The following PRR16 variants were observed in gnomAD, a reference collection of about 807,000 sequenced individuals.
PRR16 encodes the protein protein Largen.
PRR16 carries 6 observed loss-of-function variants against 18.2 expected under a neutral mutation model. The observed-to-expected ratio is 0.33, with a 90% confidence interval of 0.18 to 0.65. PRR16 has a LOEUF of 0.65. PRR16 is among the 30% of genes least tolerant of loss of function. PRR16 has a pLI of 0.74. For synonymous variants in PRR16, 151 were observed against 147.8 expected, an observed-to-expected ratio of 1.02 and a Z score of -0.16; for missense variants, 412 against 376.6, an observed-to-expected ratio of 1.09 and a Z score of -0.78.
chr5:120,543,941 C>T (rs1041484475), intron 1 of PRR16, among the ~76,000 whole-genome samples: 2 of 152,118 alleles, frequency 1.3e-5, no homozygotes, highest in Admixed American at 1.3e-4. Context: ...GTTGGCTTTA[C>T]AGATGGATGA....
the PRR16 span, among the ~76,000 whole-genome samples, chr5:120,778,819 T>G: frequency 4.0e-4 from 61 of 152,096 alleles, no homozygotes; most frequent in African/African-American, 1.4e-3. Flanking sequence ...AGAAGTGGGG[T>G]TTTGTAAAGA....
At chr5:120,794,479 T>C in the PRR16 span, among the ~76,000 whole-genome samples, 1 of 152,158 alleles carries the variant, frequency 6.6e-6, no homozygotes, top group Non-Finnish European at 1.5e-5. Flanking sequence ...ATATGTGTTA[T>C]GGTAATATGT....
rs116332606 is a variant in PRR16, at chr5:120,471,761, C to T, written c.159+7116C>T. ...TAATTACTCTGAATTAAATTTCCCA[C>T]AGGAACTGGGAACCCAAAGTCAGCA... is the stretch of plus-strand genomic sequence containing the variant. On this transcript the variant is annotated intron_variant, in intron 1 of 1. Coordinates refer to ENST00000407149, the MANE Select transcript of PRR16 (RefSeq NM_001300783.2). Among the ~76,000 whole-genome samples, 520 of 152,130 alleles carry T rather than the reference C, an allele frequency of 3.4e-3. 4 individuals are homozygous for T. Among genetic ancestry groups the T allele is most frequent in the African/African-American group, 0.011 (452 of 41,542 alleles).
At chr5:120,570,162 A>G (rs1289299423) in intron 1 of PRR16, among the ~76,000 whole-genome samples, 1 of 152,146 alleles carries the variant, frequency 6.6e-6, no homozygotes, top group Admixed American at 6.5e-5. Context: ...GAAGATAAAT[A>G]AAACCCTTCC....
chr5:120,521,674 T>C (rs1751185201), intron 1 of PRR16, among the ~76,000 whole-genome samples: 1 of 151,374 alleles, frequency 6.6e-6, no homozygotes, highest in Non-Finnish European at 1.5e-5. Context: ...TCTTCTTCTT[T>C]TCTTTTTTTT....
chr5:120,793,486 C>G, the PRR16 span, among the ~76,000 whole-genome samples: 1 of 151,816 alleles, frequency 6.6e-6, no homozygotes, highest in East Asian at 1.9e-4. Context: ...CAAAGCACTG[C>G]AAAGAGGAAG....
At chr5:120,548,314 A>T (rs1379693242) in intron 1 of PRR16, among the ~76,000 whole-genome samples, 1 of 152,096 alleles carries the variant, frequency 6.6e-6, no homozygotes, top group South Asian at 2.1e-4. Flanking sequence ...AGATATGTCA[A>T]TGTTTTCTAT....
chr5:120,671,599 A>G (rs1370799816), intron 1 of PRR16, among the ~76,000 whole-genome samples: 1 of 152,190 alleles, frequency 6.6e-6, no homozygotes, highest in Non-Finnish European at 1.5e-5. Flanking sequence ...ATAATTTACT[A>G]AAATTTGCCT....
chr5:120,738,276 T>C, the PRR16 span, among the ~76,000 whole-genome samples: 1 of 152,112 alleles, frequency 6.6e-6, no homozygotes, highest in Non-Finnish European at 1.5e-5. Context: ...AATCTTCTCT[T>C]TGATTTTATT....
At chr5:120,737,957 T>C in the PRR16 span, among the ~76,000 whole-genome samples, 769 of 152,258 alleles carry the variant, frequency 5.1e-3, 5 homozygotes, top group Non-Finnish European at 7.1e-3. Flanking sequence ...ACAATATTGA[T>C]GTTGAGAAAT....
rs869060008 is a variant in PRR16, at chr5:120,644,425, T to TA, written c.160-41529_160-41528insA. Among the ~76,000 whole-genome samples, 3 of 1,106 alleles carry TA rather than the reference T, an allele frequency of 2.7e-3. No homozygotes were observed. In the East Asian group the frequency reaches 0.088, roughly 33 times the overall value. 0.7% of individuals were successfully genotyped at this position (1,106 alleles called of 152,430 possible). ...TGATATTATAACAAATGATGTTTAA[T>TA]TTTGTTCATATTCTTATTAAAAGAA... On this transcript the variant is annotated intron_variant, in intron 1 of 1. Coordinates refer to ENST00000407149, the MANE Select transcript of PRR16 (RefSeq NM_001300783.2).
the PRR16 span, among the ~76,000 whole-genome samples, chr5:120,759,951 T>C: frequency 2.6e-5 from 4 of 152,258 alleles, no homozygotes; most frequent in South Asian, 8.3e-4. Context: ...AATAACAATG[T>C]ATGAAATAAT....
At chr5:120,774,163 A>AG in the PRR16 span, among the ~76,000 whole-genome samples, 1 of 152,152 alleles carries the variant, frequency 6.6e-6, no homozygotes, top group Non-Finnish European at 1.5e-5. Flanking sequence ...TCTAAACAAG[A>AG]GGAAAGCAAA....
chr5:120,490,083 C>T (rs1749971274), intron 1 of PRR16, among the ~76,000 whole-genome samples: 2 of 152,140 alleles, frequency 1.3e-5, no homozygotes, highest in Admixed American at 1.3e-4. Context: ...CTGCCCTTAA[C>T]CTTTTTTCCT....
chr5:120,714,992 T>TG, the PRR16 span, among the ~76,000 whole-genome samples: 1 of 151,320 alleles, frequency 6.6e-6, no homozygotes, highest in Non-Finnish European at 1.5e-5. Flanking sequence ...CTGTTGGTGG[T>TG]GGGGGGTGAG....
At chr5:120,519,885 A>G (rs995394508) in intron 1 of PRR16, among the ~76,000 whole-genome samples, 1 of 152,148 alleles carries the variant, frequency 6.6e-6, no homozygotes, top group African/African-American at 2.4e-5. Flanking sequence ...CTCATTTTTA[A>G]AAAACACTTC....
chr5:120,484,935 T>G (rs1236244980), intron 1 of PRR16, among the ~76,000 whole-genome samples: 1 of 151,674 alleles, frequency 6.6e-6, no homozygotes, highest in East Asian at 1.9e-4. Flanking sequence ...TTAAATATAA[T>G]TCTGCGATTT....
At chr5:120,608,887 T>G (rs969961597) in intron 1 of PRR16, among the ~76,000 whole-genome samples, 4 of 152,138 alleles carry the variant, frequency 2.6e-5, no homozygotes, top group African/African-American at 4.8e-5. Flanking sequence ...ATTTCCTTTA[T>G]ACTTCGGTCT....
chr5:120,679,003 GATTGAAAT>G (rs1393551139), intron 1 of PRR16, among the ~76,000 whole-genome samples: 2 of 152,022 alleles, frequency 1.3e-5, no homozygotes, highest in Non-Finnish European at 2.9e-5. Flanking sequence ...AAAATATTGA[GATTGAAAT>G]ATTGAAATAT....
Sources: gnomAD v4.1 joint callset for allele counts (sites outside exome capture counted in the v4.1 genomes callset) on GRCh38, gnomAD v4.1.1 for gene constraint, MANE v1.5 for transcripts, NCBI Gene and HGNC (gene_info 2026-07-23, HGNC 2026-07-21) for gene names.